Variants in SLC38A12 observed in about 807,000 individuals in gnomAD.
The protein encoded by SLC38A12 is putative sodium-coupled neutral amino acid transporter 12.
At chr17:74,807,332 C>T in the SLC38A12 span, among the ~76,000 whole-genome samples, 1 of 152,266 alleles carries the variant, frequency 6.6e-6, no homozygotes, top group Non-Finnish European at 1.5e-5. Flanking sequence ...GGCTGCGTCT[C>T]GTTCACCTTT....
chr17:74,834,212 G>A, the SLC38A12 span, among the ~76,000 whole-genome samples: 4 of 152,140 alleles, frequency 2.6e-5, no homozygotes, highest in African/African-American at 4.8e-5. Context: ...CCCAGTGGGT[G>A]AAGCTGGAGG....
At chr17:74,793,688 C>A in the SLC38A12 span, among the ~76,000 whole-genome samples, 5 of 152,134 alleles carry the variant, frequency 3.3e-5, no homozygotes, top group African/African-American at 7.2e-5. Flanking sequence ...CCCCTCAGAG[C>A]AGAAAACAAG....
the SLC38A12 span, among the ~76,000 whole-genome samples, chr17:74,801,861 G>T: frequency 6.6e-6 from 1 of 151,898 alleles, no homozygotes; most frequent in African/African-American, 2.4e-5. Context: ...CTTGTCTTCC[G>T]TGTGCTTTCC....
At chr17:74,820,191 C>T in the SLC38A12 span, among the ~76,000 whole-genome samples, 41 of 152,348 alleles carry the variant, frequency 2.7e-4, no homozygotes, top group Admixed American at 1.3e-3. Context: ...GGCAGGGGGG[C>T]TCCCAAAGGC....
chr17:74,814,834 G>T, the SLC38A12 span, among the ~76,000 whole-genome samples: 1 of 152,178 alleles, frequency 6.6e-6, no homozygotes, highest in Admixed American at 6.5e-5. Context: ...GCCCTCAAGG[G>T]GGTTACACTC....
chr17:74,800,007 G>T, the SLC38A12 span, among the ~76,000 whole-genome samples: 1 of 152,190 alleles, frequency 6.6e-6, no homozygotes, highest in South Asian at 2.1e-4. Context: ...AGTACACAGC[G>T]TCATCCCATT....
chr17:74,832,213 CT>C, the SLC38A12 span, among the ~76,000 whole-genome samples: 3 of 152,114 alleles, frequency 2.0e-5, no homozygotes, highest in African/African-American at 2.4e-5. Flanking sequence ...CCTTTCCTTC[CT>C]TTTCTCCCTT....
At chr17:74,833,771 C>T in the SLC38A12 span, among the ~76,000 whole-genome samples, 1 of 152,194 alleles carries the variant, frequency 6.6e-6, no homozygotes, top group Admixed American at 6.5e-5. Context: ...TTGGGCAGGG[C>T]CAAGTGCCAG....
At chr17:74,830,185 C>G in the SLC38A12 span, among the ~76,000 whole-genome samples, 1 of 152,250 alleles carries the variant, frequency 6.6e-6, no homozygotes, top group Non-Finnish European at 1.5e-5. Flanking sequence ...TCACCTTCAG[C>G]TGCTACAAGG....
At chr17:74,787,755 G>C in the SLC38A12 span, among the ~76,000 whole-genome samples, 1 of 151,684 alleles carries the variant, frequency 6.6e-6, no homozygotes, top group Non-Finnish European at 1.5e-5. Flanking sequence ...GTTAACAAAA[G>C]CATTCATGCA....
the SLC38A12 span, among the ~76,000 whole-genome samples, chr17:74,783,068 T>G: frequency 4.6e-5 from 7 of 152,194 alleles, no homozygotes; most frequent in Non-Finnish European, 1.0e-4. Flanking sequence ...GAGGCAAGGT[T>G]GCAGTGAGCC....
At chr17:74,784,859 T>C in the SLC38A12 span, among the ~76,000 whole-genome samples, 1 of 152,196 alleles carries the variant, frequency 6.6e-6, no homozygotes, top group African/African-American at 2.4e-5. Flanking sequence ...TGGAATTAGC[T>C]GGTGGCACTG....
the SLC38A12 span, among the ~76,000 whole-genome samples, chr17:74,834,435 C>T: frequency 6.6e-6 from 1 of 152,114 alleles, no homozygotes; most frequent in South Asian, 2.1e-4. Context: ...CCCCTCCTCC[C>T]CTCCTGTCCC....
chr17:74,790,427 C>CAGGAAAT, the SLC38A12 span: 3 of 790,982 alleles, frequency 3.8e-6, no homozygotes, highest in Non-Finnish European at 6.4e-6. Context: ...GAGGCAGGCC[C>CAGGAAAT]TGTGGTAGAC....
At chr17:74,782,807 A>T in the SLC38A12 span, among the ~76,000 whole-genome samples, 1 of 152,192 alleles carries the variant, frequency 6.6e-6, no homozygotes, top group Admixed American at 6.6e-5. Context: ...ACTTGTTTTC[A>T]TCATTCTGGG....
the SLC38A12 span, among the ~76,000 whole-genome samples, chr17:74,801,455 C>A: frequency 6.6e-6 from 1 of 151,204 alleles, no homozygotes; most frequent in Non-Finnish European, 1.5e-5. Flanking sequence ...TGCTGTTTGT[C>A]CCACATATGC....
chr17:74,792,855 C>T, the SLC38A12 span, among the ~76,000 whole-genome samples: 6 of 152,220 alleles, frequency 3.9e-5, no homozygotes, highest in Non-Finnish European at 7.3e-5. Flanking sequence ...CTGTGCTTCT[C>T]CTTTGTTCCA....
At chr17:74,819,843 G>A in the SLC38A12 span, 14 of 1,613,224 alleles carry the variant, frequency 8.7e-6, no homozygotes, top group South Asian at 1.1e-4. Flanking sequence ...GAGATGGATC[G>A]GTGAGTCTGA....
the SLC38A12 span, among the ~76,000 whole-genome samples, chr17:74,825,253 G>T: frequency 1.3e-5 from 2 of 152,184 alleles, no homozygotes; most frequent in African/African-American, 2.4e-5. Context: ...CCTCCAACTG[G>T]GCCACTGTCC....
Sources: allele counts gnomAD v4.1 joint callset (sites outside exome capture counted in the v4.1 genomes callset), GRCh38; gene constraint gnomAD v4.1.1; transcripts MANE v1.5; gene names NCBI Gene and HGNC (gene_info 2026-07-23, HGNC 2026-07-21).